The following CTNND1 variants were observed in gnomAD, a reference collection of about 807,000 sequenced individuals.
CTNND1 encodes catenin delta-1.
CTNND1 carries 16 observed loss-of-function variants against 112.1 expected under a neutral mutation model. That is an observed-to-expected ratio of 0.14 (90% confidence interval 0.10 to 0.22). The LOEUF is 0.22. CTNND1 is among the 10% of genes least tolerant of loss of function. The probability of loss-of-function intolerance (pLI) is 1.00; values close to 1 mark genes in which losing one functional copy is unlikely to be tolerated. For synonymous variants in CTNND1, 420 were observed against 446.5 expected, an observed-to-expected ratio of 0.94 and a Z score of 0.75; for missense variants, 1,008 against 1,257.0, an observed-to-expected ratio of 0.80 and a Z score of 3.00.
chr11:57,804,643 A>G lies in CTNND1; in HGVS notation c.1605-20A>G, dbSNP rs1444905207. 1 of 1,593,640 alleles carries G rather than the reference A, an allele frequency of 6.3e-7. No individual in the cohort carries two copies. Among genetic ancestry groups the G allele is most frequent in the East Asian group, 2.2e-5 (1 of 44,772 alleles). ...GATTTCTGGATTTGAGTCATCTTGA[A>G]GCTTCTGGTTTCCCCTCAGGAATGT... On this transcript the variant is annotated intron_variant, in intron 8 of 20. Transcript: ENST00000399050.
chr11:57,790,468 C>CCGCCTCACTGATTTG (rs146423529), intron 2 of CTNND1, among the ~76,000 whole-genome samples: 4 of 147,758 alleles, frequency 2.7e-5, no homozygotes, highest in African/African-American at 7.4e-5. Flanking sequence ...ACTGCAACCT[C>CCGCCTCACTGATTTG]CGCTATTCTC....
chr11:57,765,999 G>A (rs1344855318), intron 1 of CTNND1, among the ~76,000 whole-genome samples: 2 of 152,114 alleles, frequency 1.3e-5, no homozygotes, highest in Non-Finnish European at 2.9e-5. Flanking sequence ...ACAAAAATTA[G>A]CTGGGCGTGG....
At chr11:57,809,608 G>A (rs2063097043) in intron 15 of CTNND1, 142 bp downstream of exon 15, 1 of 701,548 alleles carries the variant, frequency 1.4e-6, no homozygotes, top group Non-Finnish European at 2.3e-6. Context: ...CTGTCTTAAT[G>A]TTGATCCATA....
At chr11:57,777,342 C>T (rs1337347667) in intron 1 of CTNND1, among the ~76,000 whole-genome samples, 1 of 152,130 alleles carries the variant, frequency 6.6e-6, no homozygotes, top group East Asian at 1.9e-4. Flanking sequence ...GATCTCAGCT[C>T]ACTGCAACCT....
chr11:57,787,448 T>C (rs1042421323), intron 1 of CTNND1, among the ~76,000 whole-genome samples: 14 of 152,226 alleles, frequency 9.2e-5, no homozygotes, highest in African/African-American at 3.1e-4. Context: ...AACCAACTTT[T>C]GAAACAACTT....
chr11:57,794,510 G>T (rs1017355773), intron 4 of CTNND1, among the ~76,000 whole-genome samples: 2 of 152,160 alleles, frequency 1.3e-5, no homozygotes, highest in African/African-American at 4.8e-5. Flanking sequence ...TTTTGGCCAG[G>T]CATGGTGGCT....
Position 57,804,698 on chromosome 11 carries a change from A to T in CTNND1, c.1640A>T (p.Lys547Ile). ...TCAGAGAGGAGTGAAGCTCGCCGGA[A>T]ACTTCGGGAATGTGATGGTTTAGTT... The part of the protein sequence containing the change: ...VSSERSEARR[K>I]LRECDGLVDA... Residue 547 changes from lysine (K) to isoleucine (I), a missense_variant, in exon 9 of 21, where the codon AAA (lysine) becomes ATA (isoleucine). Transcript: ENST00000399050. 2 of 1,613,904 alleles carry T rather than the reference A, an allele frequency of 1.2e-6. No homozygotes were observed. Among genetic ancestry groups the T allele is most frequent in the Non-Finnish European group, 1.7e-6 (2 of 1,179,838 alleles).
At chr11:57,768,557 C>T (rs1230554702) in intron 1 of CTNND1, among the ~76,000 whole-genome samples, 1 of 151,718 alleles carries the variant, frequency 6.6e-6, no homozygotes, top group Admixed American at 6.6e-5. Context: ...CCACGCCTGG[C>T]TAATTTTTTG....
rs1003847229 is a variant in CTNND1, at chr11:57,819,453, G to A, written c.*3145G>A. Reference sequence around the variant, plus strand: ...TTCCCTGTTATGTTCTTATCCTTTGGCATTGAGCTAGATACAAACCCTACT... The same window carrying A: ...TTCCCTGTTATGTTCTTATCCTTTGACATTGAGCTAGATACAAACCCTACT... On this transcript the variant is annotated 3_prime_UTR_variant, in exon 21 of 21. Transcript: ENST00000399050. 2.0e-5 allele frequency: 3 copies of A among 152,126 alleles called. No individual in the cohort carries two copies. The highest frequency in any genetic ancestry group is 7.2e-5 in the African/African-American group (3 of 41,424). The allele number at this position is 152,126 out of a possible 1,614,324, so 9.4% of individuals were successfully genotyped here.
Position 57,811,264 on chromosome 11 carries a change from AT to A in CTNND1, c.2551-132del, listed in dbSNP as rs1393270617. On this transcript the variant is annotated intron_variant, in intron 16 of 20. Coordinates refer to ENST00000399050, the MANE Select transcript of CTNND1 (RefSeq NM_001085458.2). ...CCTAGTTTGTCTCACTGTCTAGGGTATTTATTCAACTCTTATAAGTTGCTTT... is the reference window on the plus strand; with the variant it reads ...CCTAGTTTGTCTCACTGTCTAGGGTATTATTCAACTCTTATAAGTTGCTTT... 5.3e-5 allele frequency: 34 copies of A among 637,096 alleles called. No individual in the cohort carries two copies. In the East Asian group the frequency reaches 9.1e-4, roughly 17 times the overall value. 39.5% of individuals were successfully genotyped at this position (637,096 alleles called of 1,614,324 possible). A position where few individuals can be genotyped will look rare whatever the true frequency, so the allele number is the denominator to read the frequency against.
chr11:57,795,544 A>T, intron 4 of CTNND1, 33 bp from the exon 5 acceptor site: 1 of 1,589,160 alleles, frequency 6.3e-7, no homozygotes, highest in South Asian at 1.1e-5. Context: ...AGCACTTAAT[A>T]GTAGTTTCTT....
intron 9 of CTNND1, 93 bp from the exon 10 acceptor site, chr11:57,805,789 C>G: frequency 7.1e-7 from 1 of 1,408,158 alleles, no homozygotes; most frequent in Non-Finnish European, 9.6e-7. Flanking sequence ...ATTTGAAGAT[C>G]AACATTTTAA....
intron 15 of CTNND1, 74 bp from the exon 16 acceptor site, chr11:57,810,035 T>G (rs532309842): frequency 1.8e-6 from 2 of 1,092,520 alleles, no homozygotes; most frequent in Admixed American, 5.1e-5. Flanking sequence ...TCTTATGTTA[T>G]TAGAGGATAT....
chr11:57,792,211 T>C (rs1333895809), intron 3 of CTNND1, among the ~76,000 whole-genome samples: 1 of 152,208 alleles, frequency 6.6e-6, no homozygotes, highest in Admixed American at 6.5e-5. Context: ...CATTGTTAAT[T>C]CTGTTGGTTA....
intron 1 of CTNND1, among the ~76,000 whole-genome samples, chr11:57,779,797 A>G (rs994345040): frequency 5.3e-5 from 8 of 152,118 alleles, no homozygotes; most frequent in African/African-American, 1.9e-4. Context: ...TGCCAGTGGT[A>G]AGGTAGGTAA....
intron 17 of CTNND1, 125 bp from the exon 18 acceptor site, chr11:57,814,186 A>G: frequency 1.5e-6 from 1 of 685,770 alleles, no homozygotes; most frequent in Non-Finnish European, 2.6e-6. Flanking sequence ...ATTGTGATGC[A>G]CATAGTTGGT....
At position 57,789,191 on chromosome 11, in the gene CTNND1, TCTTA is replaced by T. The variant is rs781605579; in HGVS notation, c.-95+40_-95+43del. The T allele has an allele frequency of 2.4e-4, 318 of 1,337,426 alleles. 1 individual carries two copies. Among genetic ancestry groups the T allele is most frequent in the Admixed American group, 1.7e-3 (58 of 33,902 alleles). The allele number at this position is 1,337,426 out of a possible 1,614,324, so 82.8% of individuals were successfully genotyped here. A position where few individuals can be genotyped will look rare whatever the true frequency, so the allele number is the denominator to read the frequency against. On this transcript the variant is annotated intron_variant, in intron 2 of 20. Transcript: ENST00000399050. ...AAATATGTTTATTAAGAAGGAAAAA[TCTTA>T]CTTTTTAAGAAATATGTATTTTTAT...
chr11:57,795,582 C>G lies in CTNND1; in HGVS notation c.273C>G (p.His91Gln). ...SDLKLNGPQD[H>Q]SHLLYSTIPR... ...CTTTTCTCTTTTGCATATAGGATCA[C>G]AGTCACCTTCTATATAGCACCATCC... The change falls in exon 5 of 21, where the codon CAC becomes CAG. Residue 91 changes from histidine (H) to glutamine (Q), a missense_variant. His to Gln is a conservative substitution (Grantham distance 24). Coordinates refer to ENST00000399050, the MANE Select transcript of CTNND1 (RefSeq NM_001085458.2). 6.2e-7 allele frequency: 1 copy of G among 1,610,224 alleles called. No homozygotes were observed. The highest frequency in any genetic ancestry group is 1.1e-5 in the South Asian group (1 of 90,398).
At chr11:57,777,587 A>T (rs2059152095) in intron 1 of CTNND1, among the ~76,000 whole-genome samples, 1 of 152,164 alleles carries the variant, frequency 6.6e-6, no homozygotes, top group African/African-American at 2.4e-5. Flanking sequence ...AAATCCTTCT[A>T]AGTTGTCTGT....
Sources: gnomAD v4.1 joint callset for allele counts (sites outside exome capture counted in the v4.1 genomes callset) on GRCh38, gnomAD v4.1.1 for gene constraint, MANE v1.5 for transcripts, NCBI Gene and HGNC (gene_info 2026-07-23, HGNC 2026-07-21) for gene names.